Variants in PARVG observed in about 807,000 individuals in gnomAD.
PARVG encodes parvin gamma.
PARVG carries 36 observed loss-of-function variants against 44.4 expected under a neutral mutation model. The ratio of observed to expected loss-of-function variants is 0.81; its 90% CI spans 0.62 to 1.07. The LOEUF (loss-of-function observed/expected upper bound fraction) is 1.07. Ranked by LOEUF, PARVG falls within the 50% of genes least tolerant of loss-of-function variation. PARVG has a pLI of 0.00. For synonymous variants in PARVG, 170 were observed against 174.1 expected, an observed-to-expected ratio of 0.98 and a Z score of 0.19; for missense variants, 407 against 407.4, an observed-to-expected ratio of 1.00 and a Z score of 0.01.
chr22:44,173,842 C>T (rs7292880), intron 1 of PARVG, among the ~76,000 whole-genome samples: 34,374 of 152,030 alleles, frequency 0.23, 4,072 homozygotes, highest in Middle Eastern at 0.27. Context: ...CCACAGTGCA[C>T]GGGACAGGCT....
At chr22:44,206,170 C>A (rs1474711282) in intron 13 of PARVG, 147 bp from the exon 14 acceptor site, 1 of 660,644 alleles carries the variant, frequency 1.5e-6, no homozygotes, top group Non-Finnish European at 2.6e-6. Flanking sequence ...GGGACCCAGG[C>A]CTGGAGTGAC....
chr22:44,198,806 C>T (rs1395402467), intron 12 of PARVG, 84 bp downstream of exon 12: 1 of 1,110,904 alleles, frequency 9.0e-7, no homozygotes, highest in African/African-American at 1.5e-5. Context: ...TGTTTATTCA[C>T]TTCCAGGTGA....
chr22:44,202,382 G>A lies in PARVG; in HGVS notation c.814-3375G>A, dbSNP rs372683226. On this transcript the variant is annotated intron_variant, in intron 12 of 13. Transcript: ENST00000444313. ...CCTGCGGGCTGAGGGCCTGGGGCTC[G>A]GAACCCAGCTCAGAGCCACTCTGGG... Among the ~76,000 whole-genome samples the A allele has an allele frequency of 5.3e-5, 8 of 152,202 alleles. No individual in the cohort carries two copies. In the East Asian group the frequency reaches 7.7e-4, roughly 15 times the overall value.
At position 44,197,089 on chromosome 22, in the gene PARVG, G is replaced by A. The variant is rs192035117; in HGVS notation, c.711+674G>A. Among the ~76,000 whole-genome samples the A allele has an allele frequency of 2.7e-4, 41 of 152,264 alleles. 3 individuals carry two copies. The highest frequency in any genetic ancestry group is 5.2e-4 in the Admixed American group (8 of 15,298). ...GCCAGTGGCCTGAATGGGACATGACGTAGGCATCTGGCCACCTGGGTTCTG... is the reference window on the plus strand; with the variant it reads ...GCCAGTGGCCTGAATGGGACATGACATAGGCATCTGGCCACCTGGGTTCTG... On this transcript the variant is annotated intron_variant, in intron 11 of 13. Transcript: ENST00000444313.
At chr22:44,187,744 C>A in intron 4 of PARVG, 32 bp from the exon 5 acceptor site, 2 of 1,606,974 alleles carry the variant, frequency 1.2e-6, no homozygotes, top group African/African-American at 1.3e-5. Context: ...AAGTCTCCAT[C>A]CCCCCAAAAG....
intron 3 of PARVG, chr22:44,185,324 T>G: frequency 6.4e-6 from 1 of 156,328 alleles, no homozygotes; most frequent in Non-Finnish European, 1.4e-5. Context: ...GTTCTGTGAG[T>G]CTAAAATGTG....
chr22:44,198,541 G>T (rs2054648207), intron 11 of PARVG, 80 bp from the exon 12 acceptor site: 1 of 1,069,088 alleles, frequency 9.4e-7, no homozygotes, highest in Admixed American at 1.8e-5. Flanking sequence ...GACTTCCTTA[G>T]GGCCACACAG....
intron 9 of PARVG, 122 bp from the exon 10 acceptor site, chr22:44,196,033 T>C: frequency 9.9e-7 from 1 of 1,012,164 alleles, no homozygotes; most frequent in South Asian, 1.5e-5. Context: ...AGAACCATGA[T>C]GTAAAACGAC....
intron 12 of PARVG, 146 bp downstream of exon 12, chr22:44,198,868 AT>A (rs2054655250): frequency 1.7e-6 from 1 of 596,318 alleles, no homozygotes; most frequent in African/African-American, 1.9e-5. Flanking sequence ...CTATCCATCC[AT>A]CCATCCATCC....
chr22:44,187,924 C>T (rs758065957), intron 5 of PARVG, 46 bp downstream of exon 5: 2 of 1,599,318 alleles, frequency 1.3e-6, no homozygotes, highest in South Asian at 2.2e-5. Flanking sequence ...CCCCATCCCC[C>T]TGACCTGGCC....
rs57090028 is a variant in PARVG at position 44,196,610 on chromosome 22, G to GGC, written c.711+196_711+197insCG. On this transcript the variant is annotated intron_variant, in intron 11 of 13. Coordinates refer to ENST00000444313, the MANE Select transcript of PARVG (RefSeq NM_022141.7). ...ACCAGGGACATGGTGGGATCCCGGG[G>GGC]GTGGAGGTGTGGGAACACTTCACAA... is the stretch of plus-strand genomic sequence containing the variant. Among the ~76,000 whole-genome samples the GGC allele has an allele frequency of 5.9e-5, 9 of 152,112 alleles. No individual in the cohort carries two copies. The East Asian group carries it at 1.4e-3, about 23-fold the overall frequency.
chr22:44,183,117 T>A (rs2054408253), intron 2 of PARVG: 1 of 529,096 alleles, frequency 1.9e-6, no homozygotes. Flanking sequence ...TGTGCCTTTT[T>A]CTAACCCGTC....
chr22:44,189,107 C>T lies in PARVG; in HGVS notation c.248-7C>T, dbSNP rs368687767. 1.2e-4 allele frequency: 199 copies of T among 1,613,998 alleles called. No individual in the cohort carries two copies. In the African/African-American group the frequency reaches 2.3e-3, roughly 19 times the overall value. ...CAGGGGTCCTCACCACCCTCTCCTGCCTCCAGAGAGGCTGGCGGCGCTCAA... is the reference window on the plus strand; with the variant it reads ...CAGGGGTCCTCACCACCCTCTCCTGTCTCCAGAGAGGCTGGCGGCGCTCAA... On this transcript the variant is annotated splice_polypyrimidine_tract_variant and splice_region_variant and intron_variant, in intron 5 of 13. Coordinates refer to ENST00000444313, the MANE Select transcript of PARVG (RefSeq NM_022141.7).
intron 7 of PARVG, 128 bp downstream of exon 7, chr22:44,190,794 A>G (rs2054537634): frequency 1.3e-6 from 1 of 774,740 alleles, no homozygotes; most frequent in African/African-American, 1.7e-5. Context: ...GAACCCTGAG[A>G]AATAGAATCC....
chr22:44,197,088 C>T (rs916470634), intron 11 of PARVG, among the ~76,000 whole-genome samples: 25 of 152,222 alleles, frequency 1.6e-4, no homozygotes, highest in African/African-American at 6.0e-4. Flanking sequence ...TGGGACATGA[C>T]GTAGGCATCT....
At position 44,206,472 on chromosome 22, in the gene PARVG, G is replaced by A. The variant is rs762763058; in HGVS notation, c.*46G>A. 6 of 1,565,108 alleles carry A rather than the reference G, an allele frequency of 3.8e-6. 1 individual carries two copies. The South Asian group carries it at 6.7e-5, about 17-fold the overall frequency. The stretch of plus-strand genomic sequence containing the variant: ...CAGAGCCTGCCTGTCAGCCCAGCTG[G>A]AGGGCCCGAGGCTGCAGGGTGTCCT... On this transcript the variant is annotated 3_prime_UTR_variant, in exon 14 of 14. Transcript: ENST00000444313.
intron 1 of PARVG, 25 bp downstream of exon 1, chr22:44,181,210 C>A: frequency 5.8e-6 from 3 of 515,956 alleles, no homozygotes; most frequent in Non-Finnish European, 7.5e-6. Flanking sequence ...TTGAGAGAGA[C>A]AGACCACGCA....
chr22:44,191,858 T>C (rs2054552949), intron 7 of PARVG, among the ~76,000 whole-genome samples, 191 bp from the exon 8 acceptor site: 2 of 152,148 alleles, frequency 1.3e-5, no homozygotes, highest in South Asian at 4.1e-4. Context: ...CTCCTCCCAC[T>C]GTGAGACTCT....
chr22:44,186,471 C>A, intron 4 of PARVG: 2 of 441,836 alleles, frequency 4.5e-6, no homozygotes, highest in Admixed American at 2.4e-5. Context: ...TCCAGGGAGG[C>A]CTCCTGGCCT....
Sources: gnomAD v4.1 joint callset for allele counts (sites outside exome capture counted in the v4.1 genomes callset) on GRCh38, gnomAD v4.1.1 for gene constraint, MANE v1.5 for transcripts, NCBI Gene and HGNC (gene_info 2026-07-23, HGNC 2026-07-21) for gene names.